The following HSPA12A variants were observed in gnomAD, a reference collection of about 807,000 sequenced individuals.
HSPA12A encodes the protein heat shock protein family A (Hsp70) member 12A.
In HSPA12A, 28 loss-of-function variants were observed where a neutral mutation model predicts 69.2. The ratio of observed to expected loss-of-function variants is 0.40; its 90% CI spans 0.30 to 0.55. HSPA12A has a LOEUF of 0.55. Among genes scored for constraint, HSPA12A ranks in the 20% least tolerant of loss-of-function variants. The probability of loss-of-function intolerance (pLI) is 0.38; values close to 1 mark genes in which losing one functional copy is unlikely to be tolerated. For synonymous variants in HSPA12A, 345 were observed against 370.5 expected (o/e 0.93, Z 0.79); for missense variants, 686 against 900.7 (o/e 0.76, Z 3.05).
chr10:116,794,705 T>C (rs1378938016), intron 2 of HSPA12A, among the ~76,000 whole-genome samples: 1 of 152,046 alleles, frequency 6.6e-6, no homozygotes, highest in Non-Finnish European at 1.5e-5. Flanking sequence ...CCCAGCTACT[T>C]GGGAGGCTGA....
At chr10:116,709,406 C>T (rs950435280) in intron 1 of HSPA12A, among the ~76,000 whole-genome samples, 2 of 150,078 alleles carry the variant, frequency 1.3e-5, no homozygotes, top group Non-Finnish European at 3.0e-5. Flanking sequence ...CGAGATTGTG[C>T]CACTGCACTC....
intron 2 of HSPA12A, among the ~76,000 whole-genome samples, chr10:116,787,073 C>T (rs968076051): frequency 2.0e-5 from 3 of 151,878 alleles, no homozygotes; most frequent in Non-Finnish European, 4.4e-5. Context: ...GGGATACTGT[C>T]GTGTTGGCAT....
At chr10:116,708,897 G>A (rs1339720315) in intron 1 of HSPA12A, among the ~76,000 whole-genome samples, 1 of 152,204 alleles carries the variant, frequency 6.6e-6, no homozygotes, top group Non-Finnish European at 1.5e-5. Context: ...AATAACAAGT[G>A]TGTCAAGGAT....
In HSPA12A at chr10:116,831,338, T is replaced by C. The variant is rs545988330; in HGVS notation, c.91+3597A>G. 15 of 152,334 alleles carry C rather than the reference T, an allele frequency of 9.8e-5. No homozygotes were observed. In the East Asian group the frequency reaches 1.2e-3, roughly 12 times the overall value. The allele number at this position is 152,334 out of a possible 1,614,324, so 9.4% of individuals were successfully genotyped here. The stretch of plus-strand genomic sequence containing the variant: ...TGACATGGGGTTGAATCTTTCCTAA[T>C]AGCATGTGTTTGGCAGGGGAACAAA... On this transcript the variant is annotated intron_variant, in intron 2 of 12. Transcript: ENST00000635765.
At chr10:116,779,449 C>T (rs542497518) in intron 2 of HSPA12A, among the ~76,000 whole-genome samples, 3 of 152,272 alleles carry the variant, frequency 2.0e-5, no homozygotes, top group Non-Finnish European at 4.4e-5. Context: ...AGAACCACAT[C>T]GCACTCCTGC....
intron 2 of HSPA12A, chr10:116,751,290 G>T (rs1589685061): frequency 2.9e-5 from 5 of 175,198 alleles, no homozygotes; most frequent in East Asian, 2.6e-4. Context: ...TTTCCATGAG[G>T]ATTTTTCAAA....
intron 1 of HSPA12A, among the ~76,000 whole-genome samples, chr10:116,844,950 T>TGA (rs1244571657): frequency 1.3e-5 from 2 of 152,224 alleles, no homozygotes; most frequent in African/African-American, 4.8e-5. Flanking sequence ...GAATAAGTGT[T>TGA]AACTTCCTCT....
At chr10:116,733,373 C>T (rs1186840293) in intron 1 of HSPA12A, among the ~76,000 whole-genome samples, 1 of 152,192 alleles carries the variant, frequency 6.6e-6, no homozygotes, top group Non-Finnish European at 1.5e-5. Context: ...CTACAGCTTC[C>T]CTGTCCCAAA....
At chr10:116,744,196 A>T (rs1034578694), upstream of HSPA12A, among the ~76,000 whole-genome samples, 1 of 152,092 alleles carries the variant, frequency 6.6e-6, no homozygotes, top group Non-Finnish European at 1.5e-5. Flanking sequence ...TGCTTCTCTT[A>T]TGCTGGTATT....
intron 1 of HSPA12A, among the ~76,000 whole-genome samples, chr10:116,719,042 G>A (rs1469177663): frequency 3.3e-5 from 5 of 152,238 alleles, no homozygotes; most frequent in East Asian, 3.9e-4. Flanking sequence ...TTCAGACCTC[G>A]GCTCAGGTCC....
intron 2 of HSPA12A, among the ~76,000 whole-genome samples, chr10:116,783,046 C>CA (rs1844497961): frequency 6.6e-6 from 1 of 152,198 alleles, no homozygotes; most frequent in Admixed American, 6.5e-5. Context: ...CAGGTCTCTC[C>CA]ACAGCCTTTC....
At chr10:116,836,648 C>G (rs1845715561) in intron 1 of HSPA12A, among the ~76,000 whole-genome samples, 1 of 152,132 alleles carries the variant, frequency 6.6e-6, no homozygotes, top group Admixed American at 6.5e-5. Flanking sequence ...CATACATCCC[C>G]AAGTATTTGT....
intron 2 of HSPA12A, among the ~76,000 whole-genome samples, chr10:116,768,261 T>C (rs1844124014): frequency 1.3e-5 from 2 of 152,178 alleles, no homozygotes; most frequent in African/African-American, 4.8e-5. Flanking sequence ...AAAGACCACA[T>C]ACTGTTTGAT....
At chr10:116,818,464 G>A (rs1452813154) in intron 2 of HSPA12A, among the ~76,000 whole-genome samples, 1 of 151,816 alleles carries the variant, frequency 6.6e-6, no homozygotes, top group Non-Finnish European at 1.5e-5. Flanking sequence ...GTCTCTCTTG[G>A]CCCCTGTAGG....
chr10:116,711,980 C>T (rs1336782171), intron 1 of HSPA12A, among the ~76,000 whole-genome samples: 1 of 152,134 alleles, frequency 6.6e-6, no homozygotes. Context: ...AGCCACTGTG[C>T]CCGGCCAACA....
chr10:116,804,257 G>C (rs1030784630), intron 2 of HSPA12A, among the ~76,000 whole-genome samples: 2 of 152,138 alleles, frequency 1.3e-5, no homozygotes, highest in Non-Finnish European at 2.9e-5. Flanking sequence ...CAGCAAATGC[G>C]AAATTCATCA....
intron 2 of HSPA12A, among the ~76,000 whole-genome samples, chr10:116,758,623 T>C (rs1202232336): frequency 6.6e-6 from 1 of 152,148 alleles, no homozygotes; most frequent in Non-Finnish European, 1.5e-5. Context: ...CATTTGTGTT[T>C]GTGTGCATGT....
intron 2 of HSPA12A, among the ~76,000 whole-genome samples, chr10:116,834,675 G>A (rs1171729803): frequency 6.6e-6 from 1 of 152,168 alleles, no homozygotes; most frequent in Non-Finnish European, 1.5e-5. Flanking sequence ...GGCCAGCGAT[G>A]ATTCTAGGCT....
intron 1 of HSPA12A, among the ~76,000 whole-genome samples, chr10:116,730,299 G>A (rs1476864959): frequency 6.6e-6 from 1 of 152,212 alleles, no homozygotes; most frequent in East Asian, 1.9e-4. Flanking sequence ...GAAGTGCTGT[G>A]ACCCATACTT....
Sources: allele counts gnomAD v4.1 joint callset (sites outside exome capture counted in the v4.1 genomes callset), GRCh38; gene constraint gnomAD v4.1.1; transcripts MANE v1.5; gene names NCBI Gene and HGNC (gene_info 2026-07-23, HGNC 2026-07-21).